Variants in PKIB observed in about 807,000 individuals in gnomAD.
PKIB encodes the protein PKI-beta.
Under a neutral mutation model 4.5 loss-of-function variants are expected in PKIB, and 2 were observed. The ratio of observed to expected loss-of-function variants is 0.44; its 90% CI spans 0.18 to 1.39. The LOEUF (loss-of-function observed/expected upper bound fraction) is 1.39, where lower values mean the gene tolerates loss of function less well. Ranked by LOEUF, PKIB falls within the 40% of genes most tolerant of loss-of-function variation. The pLI is 0.27. For synonymous variants in PKIB, 38 were observed against 36.0 expected (o/e 1.06, Z -0.20); for missense variants, 94 against 92.6 (o/e 1.02, Z -0.06).
intron 1 of PKIB, among the ~76,000 whole-genome samples, chr6:122,630,186 C>T (rs1212959006): frequency 1.3e-5 from 2 of 151,906 alleles, no homozygotes; most frequent in Non-Finnish European, 2.9e-5. Flanking sequence ...TGTATATATC[C>T]AGAAGATTTG....
chr6:122,575,261 G>A (rs1378975143), intron 2 of PKIB, among the ~76,000 whole-genome samples: 3 of 152,140 alleles, frequency 2.0e-5, no homozygotes, highest in African/African-American at 7.2e-5. Context: ...ATAGATGTTG[G>A]CATGGATGTG....
At chr6:122,607,878 A>G (rs1026046214), upstream of PKIB, among the ~76,000 whole-genome samples, 3 of 152,124 alleles carry the variant, frequency 2.0e-5, no homozygotes, top group African/African-American at 7.2e-5. Context: ...TCCTCCCTGG[A>G]TATGCACCTT....
At chr6:122,538,204 T>G (rs1582684265) in intron 2 of PKIB, among the ~76,000 whole-genome samples, 1 of 152,162 alleles carries the variant, frequency 6.6e-6, no homozygotes. Flanking sequence ...TTGTCAATTT[T>G]GGCTTTTGTT....
At chr6:122,670,104 C>A (rs1777395055) in intron 2 of PKIB, among the ~76,000 whole-genome samples, 1 of 151,644 alleles carries the variant, frequency 6.6e-6, no homozygotes, top group Non-Finnish European at 1.5e-5. Flanking sequence ...CAGATGCAGT[C>A]CAGTTTTCAG....
At chr6:122,724,601 T>C (rs1204016417) in intron 4 of PKIB, among the ~76,000 whole-genome samples, 1 of 151,646 alleles carries the variant, frequency 6.6e-6, no homozygotes, top group Non-Finnish European at 1.5e-5. Context: ...TCACGGGGAG[T>C]TTTAGATATT....
At chr6:122,640,728 A>G (rs1306528201) in intron 2 of PKIB, among the ~76,000 whole-genome samples, 1 of 152,218 alleles carries the variant, frequency 6.6e-6, no homozygotes, top group Non-Finnish European at 1.5e-5. Flanking sequence ...ACATAAAGCA[A>G]TTAGTGATTG....
At chr6:122,473,915 C>T (rs1775380602) in intron 1 of PKIB, among the ~76,000 whole-genome samples, 1 of 152,186 alleles carries the variant, frequency 6.6e-6, no homozygotes, top group Non-Finnish European at 1.5e-5. Context: ...GGCAGATCAC[C>T]TGAGGTCAGG....
At chr6:122,723,015 C>T (rs551304206) in intron 4 of PKIB, among the ~76,000 whole-genome samples, 1 of 152,138 alleles carries the variant, frequency 6.6e-6, no homozygotes, top group African/African-American at 2.4e-5. Context: ...TTTCCTGTAA[C>T]GTTTCTCTTC....
chr6:122,716,185 T>C (rs185882910), intron 3 of PKIB, among the ~76,000 whole-genome samples: 92 of 152,274 alleles, frequency 6.0e-4, no homozygotes, highest in Admixed American at 8.5e-4. Flanking sequence ...CAATCAGACA[T>C]ATACCTTATA....
intron 2 of PKIB, among the ~76,000 whole-genome samples, chr6:122,673,968 G>A (rs2114953500): frequency 6.6e-6 from 1 of 152,270 alleles, no homozygotes; most frequent in South Asian, 2.1e-4. Context: ...ACCCAGAAGA[G>A]ATGAAGAAGA....
In PKIB at chr6:122,706,979, A is replaced by G. The variant is rs532019242; in HGVS notation, c.-8-10808A>G. Reference sequence around the variant, plus strand: ...ATTTATGTTTTTAAATATTTTAGATATTTTCATGGCCTCATTTTTCTATTT... The same window carrying G: ...ATTTATGTTTTTAAATATTTTAGATGTTTTCATGGCCTCATTTTTCTATTT... On this transcript the variant is annotated intron_variant, in intron 3 of 4. Coordinates refer to ENST00000368452, the MANE Select transcript of PKIB (RefSeq NM_181795.3). Among the ~76,000 whole-genome samples the G allele has an allele frequency of 7.9e-5, 12 of 152,146 alleles. No homozygotes were observed. In the South Asian group the frequency reaches 2.5e-3, roughly 32 times the overall value.
chr6:122,642,482 A>G (rs1776157696), intron 2 of PKIB, among the ~76,000 whole-genome samples: 2 of 152,214 alleles, frequency 1.3e-5, no homozygotes, highest in South Asian at 4.1e-4. Flanking sequence ...TGCTTTCACA[A>G]TGGCTGGTAA....
chr6:122,691,010 ACT>A (rs1778330371), intron 3 of PKIB, among the ~76,000 whole-genome samples: 1 of 143,450 alleles, frequency 7.0e-6, no homozygotes, highest in Non-Finnish European at 1.5e-5. Context: ...ATGGCATGCC[ACT>A]CTCTCCCGGC....
intron 2 of PKIB, among the ~76,000 whole-genome samples, chr6:122,525,715 TTATAATATTTTTGCTTGTGGA>T (rs1445233371): frequency 6.6e-6 from 1 of 152,168 alleles, no homozygotes; most frequent in African/African-American, 2.4e-5. Flanking sequence ...CTTTAGTGAT[TTATAATATTTTTGCTTGTGGA>T]GGGTCTTGCC....
chr6:122,566,996 TG>T (rs1773214052), intron 2 of PKIB, among the ~76,000 whole-genome samples: 1 of 152,156 alleles, frequency 6.6e-6, no homozygotes, highest in Non-Finnish European at 1.5e-5. Context: ...CGATATACAG[TG>T]TCAAATGTCT....
chr6:122,595,775 T>A (rs1019738413), intron 3 of PKIB, among the ~76,000 whole-genome samples: 3 of 152,108 alleles, frequency 2.0e-5, no homozygotes, highest in Non-Finnish European at 4.4e-5. Flanking sequence ...GTAACCTCCA[T>A]CCCTGCCACT....
intron 2 of PKIB, among the ~76,000 whole-genome samples, chr6:122,530,651 G>A (rs1277046948): frequency 6.6e-6 from 1 of 152,128 alleles, no homozygotes; most frequent in African/African-American, 2.4e-5. Flanking sequence ...GCTCTCTCTG[G>A]TGTTTTTCTG....
rs184954203 is a variant in PKIB, at chr6:122,700,643, G to A, written c.-8-17144G>A. 2.3e-4 allele frequency among the ~76,000 whole-genome samples: 35 copies of A among 152,290 alleles called. 1 individual carries two copies. The highest frequency in any genetic ancestry group is 1.7e-3 in the South Asian group (8 of 4,828). ...TATCTCCTGCTGCCACTGCCCTACC[G>A]TTTCTGTCGTGTGGACTTTTTCCCT... is the stretch of plus-strand genomic sequence containing the variant. On this transcript the variant is annotated intron_variant, in intron 3 of 4. Coordinates refer to ENST00000368452, the MANE Select transcript of PKIB (RefSeq NM_181795.3).
chr6:122,589,517 A>T (rs1043741364), intron 3 of PKIB, among the ~76,000 whole-genome samples: 3 of 152,142 alleles, frequency 2.0e-5, no homozygotes, highest in African/African-American at 7.2e-5. Context: ...AGGTGATTTG[A>T]TTTCATCTCC....
Sources: gnomAD v4.1 joint callset for allele counts (sites outside exome capture counted in the v4.1 genomes callset) on GRCh38, gnomAD v4.1.1 for gene constraint, MANE v1.5 for transcripts, NCBI Gene and HGNC (gene_info 2026-07-23, HGNC 2026-07-21) for gene names.